The following SH3GL1 variants were observed in gnomAD, a reference collection of about 807,000 sequenced individuals.
SH3GL1 encodes endophilin-A2.
Under a neutral mutation model 48.8 loss-of-function variants are expected in SH3GL1, and 21 were observed. The ratio of observed to expected loss-of-function variants is 0.43; its 90% confidence interval spans 0.30 to 0.62. SH3GL1 has a LOEUF of 0.62. SH3GL1 is among the 20% of genes least tolerant of loss of function. The pLI is 0.11. For missense variants in SH3GL1, 454 were observed against 503.0 expected (o/e 0.90, Z 0.93); for synonymous variants, 282 against 217.5 (o/e 1.30, Z -2.61).
chr19:4,379,775 G>C (rs1386450042), intron 1 of SH3GL1, among the ~76,000 whole-genome samples: 1 of 152,118 alleles, frequency 6.6e-6, no homozygotes, highest in East Asian at 1.9e-4. Context: ...TCACTGCCAG[G>C]ATGGCTGCTG....
chr19:4,374,636 C>T (rs149083357), intron 1 of SH3GL1, among the ~76,000 whole-genome samples: 57 of 152,368 alleles, frequency 3.7e-4, no homozygotes, highest in Admixed American at 3.0e-3. Flanking sequence ...TCCTGGCCCT[C>T]GTCTGCATTG....
intron 1 of SH3GL1, among the ~76,000 whole-genome samples, chr19:4,374,657 C>T (rs1001760252): frequency 6.6e-6 from 1 of 152,256 alleles, no homozygotes; most frequent in Admixed American, 6.5e-5. Flanking sequence ...AGAGGCTTGG[C>T]CTCTGGTCCG....
rs1290416120 is a variant in SH3GL1, at chr19:4,389,144, G to A, written c.45+11180C>T. On this transcript the variant is annotated intron_variant, in intron 1 of 9. Transcript: ENST00000269886. The surrounding 1 kb of genome is among the most constrained non-coding windows in gnomAD (Gnocchi z 4.5). Reference sequence around the variant, plus strand: ...CTCTAGCTCAGCCTCTGTAGGGGGCGTCTCTGGCAACCTCATCAGCAGGCC... The same window carrying A: ...CTCTAGCTCAGCCTCTGTAGGGGGCATCTCTGGCAACCTCATCAGCAGGCC... Among the ~76,000 whole-genome samples the A allele has an allele frequency of 1.3e-5, 2 of 152,180 alleles. No individual in the cohort carries two copies. The highest frequency in any genetic ancestry group is 1.3e-4 in the Admixed American group (2 of 15,278).
chr19:4,363,231 C>T (rs1972673732), intron 7 of SH3GL1, 139 bp downstream of exon 7: 3 of 719,274 alleles, frequency 4.2e-6, no homozygotes, highest in Non-Finnish European at 2.3e-6. Context: ...CCCCCCAGGC[C>T]TTTCCACTCA....
intron 1 of SH3GL1, among the ~76,000 whole-genome samples, chr19:4,373,082 A>T (rs1010750891): frequency 6.6e-6 from 1 of 151,918 alleles, no homozygotes; most frequent in Non-Finnish European, 1.5e-5. Flanking sequence ...TCATTCCTGC[A>T]CATGCTCAGG....
intron 3 of SH3GL1, 82 bp downstream of exon 3, chr19:4,366,419 C>A: frequency 1.0e-5 from 11 of 1,101,368 alleles, no homozygotes; most frequent in Non-Finnish European, 1.5e-5. Flanking sequence ...ATGAGCCTGG[C>A]GGTTCTGTCA....
intron 1 of SH3GL1, among the ~76,000 whole-genome samples, chr19:4,377,026 C>T (rs999056952): frequency 8.5e-5 from 13 of 152,204 alleles, no homozygotes; most frequent in Non-Finnish European, 4.4e-5. Flanking sequence ...TTTTGTGGCT[C>T]GTGGACGGTT....
chr19:4,365,574 T>C lies in SH3GL1; in HGVS notation c.239A>G (p.Gln80Arg), dbSNP rs1972758214. The C allele has an allele frequency of 1.4e-5, 22 of 1,614,120 alleles. No homozygotes were observed. The highest frequency in any genetic ancestry group is 1.8e-5 in the Non-Finnish European group (21 of 1,180,030). Residue 80 changes from glutamine (Q) to arginine (R), a missense_variant, in exon 4 of 10, where the codon CAG (glutamine) becomes CGG (arginine). Around this residue, in one of 2 missense-constraint regions of SH3GL1, gnomAD observed 176 missense variants for 256.2 expected, o/e 0.69. Coordinates refer to ENST00000269886, the MANE Select transcript of SH3GL1 (RefSeq NM_003025.4). ...MLNTVSKIRG[Q>R]VKNPGYPQSE... ...CTGCGGGTAGCCGGGGTTCTTCACC[T>C]GGCCCCGGATCTTGGACACCGTGTT...
intron 1 of SH3GL1, among the ~76,000 whole-genome samples, chr19:4,393,242 T>C (rs981321909): frequency 6.6e-6 from 1 of 151,020 alleles, no homozygotes; most frequent in Non-Finnish European, 1.5e-5. Context: ...GCCTGGGCAA[T>C]GGTGTGAGAC....
At position 4,389,269 on chromosome 19, in the gene SH3GL1, G is replaced by A. The variant is rs955626101; in HGVS notation, c.45+11055C>T. Among the ~76,000 whole-genome samples the A allele has an allele frequency of 1.3e-5, 2 of 152,220 alleles. No individual in the cohort carries two copies. The highest frequency in any genetic ancestry group is 2.4e-5 in the African/African-American group (1 of 41,444). ...GAGAGCACCTCACACGAACACCAGC[G>A]TGTGGCATCTGGGTGGGGGACCCCG... On this transcript the variant is annotated intron_variant, in intron 1 of 9. Coordinates refer to ENST00000269886, the MANE Select transcript of SH3GL1 (RefSeq NM_003025.4). This position sits in a 1 kb window ranked among gnomAD's most constrained non-coding sequence, Gnocchi z 4.5.
At chr19:4,368,413 G>A (rs1196660970) in intron 1 of SH3GL1, among the ~76,000 whole-genome samples, 2 of 152,218 alleles carry the variant, frequency 1.3e-5, no homozygotes, top group Non-Finnish European at 1.5e-5. Context: ...GTACCCTCTA[G>A]CCCATGCCTG....
At chr19:4,384,367 AAC>A (rs1973195123) in intron 1 of SH3GL1, among the ~76,000 whole-genome samples, 1 of 152,230 alleles carries the variant, frequency 6.6e-6, no homozygotes, top group African/African-American at 2.4e-5. Flanking sequence ...GGGTTGAAAT[AAC>A]ACACTTTACG....
chr19:4,373,054 G>A (rs1312184543), intron 1 of SH3GL1, among the ~76,000 whole-genome samples: 1 of 152,228 alleles, frequency 6.6e-6, no homozygotes, highest in Non-Finnish European at 1.5e-5. Flanking sequence ...GGCATCCGCA[G>A]GTGAAAAGCA....
intron 1 of SH3GL1, among the ~76,000 whole-genome samples, chr19:4,371,773 TCTGC>T (rs1414878005): frequency 2.0e-5 from 3 of 152,168 alleles, no homozygotes; most frequent in African/African-American, 7.2e-5. Flanking sequence ...CTGGCTGGTG[TCTGC>T]CTGCCCGTCG....
chr19:4,377,474 G>C (rs891260264), intron 1 of SH3GL1, among the ~76,000 whole-genome samples: 2 of 152,230 alleles, frequency 1.3e-5, no homozygotes, highest in African/African-American at 4.8e-5. Flanking sequence ...TCATGCCCAT[G>C]GTGGCCCACA....
intron 1 of SH3GL1, among the ~76,000 whole-genome samples, chr19:4,399,126 C>T (rs1211545601): frequency 6.6e-6 from 1 of 151,938 alleles, no homozygotes; most frequent in East Asian, 1.9e-4. Context: ...TCGAGACCAC[C>T]CTGGGGCACA....
In SH3GL1 at chr19:4,361,789, CA is replaced by C. The variant is rs1195751475; in HGVS notation, c.917del (p.Leu306ArgfsTer30). ...IRTPSRSMPP[L>X]DQPSCKALYD... ...ACAGCGCCTTGCAGCTCGGCTGGTCCAGGGGCGCTGGGGGCGGGAGCGGGCT... is the reference window on the plus strand; with the variant it reads ...ACAGCGCCTTGCAGCTCGGCTGGTCCGGGGCGCTGGGGGCGGGAGCGGGCT... On this transcript the variant is annotated frameshift_variant, in exon 10 of 10. Transcript: ENST00000269886. LOFTEE classifies it high-confidence loss of function. 6.2e-7 allele frequency: 1 copy of C among 1,607,240 alleles called. No individual in the cohort carries two copies. The highest frequency in any genetic ancestry group is 1.3e-5 in the African/African-American group (1 of 74,884).
rs748758043 is a variant in SH3GL1, at chr19:4,367,020, T to C, written c.46-26A>G. On this transcript the variant is annotated intron_variant, in intron 1 of 9. Transcript: ENST00000269886. This position sits in a 1 kb window ranked among gnomAD's most constrained non-coding sequence, Gnocchi z 4.2. ...CTAGAGGACAGAAGAGGGGAAACGC[T>C]GTGAGCCCAGGGGTAGGAGGAAGAA... The C allele has an allele frequency of 8.1e-6, 13 of 1,610,344 alleles. No homozygotes were observed. Among genetic ancestry groups the C allele is most frequent in the African/African-American group, 1.3e-5 (1 of 74,844 alleles).
chr19:4,400,287 G>T lies in SH3GL1; in HGVS notation c.45+37C>A. The T allele has an allele frequency of 6.3e-7, 1 of 1,585,714 alleles. No homozygotes were observed. ...TGGCTCCCTCATCCGGGCAGCCCGG[G>T]GCCCGGTACTCGGCTCCCGCCTGGG... On this transcript the variant is annotated intron_variant, in intron 1 of 9. Transcript: ENST00000269886. The surrounding 1 kb of genome is among the most constrained non-coding windows in gnomAD (Gnocchi z 4.1).
Sources: allele counts gnomAD v4.1 joint callset (sites outside exome capture counted in the v4.1 genomes callset), GRCh38; gene constraint gnomAD v4.1.1; regional missense constraint gnomAD v4.1.1; non-coding constraint Gnocchi (gnomAD v3.1); transcripts MANE v1.5; gene names NCBI Gene and HGNC (gene_info 2026-07-23, HGNC 2026-07-21).